The following RIT2 variants were observed in gnomAD, a reference collection of about 807,000 sequenced individuals.
RIT2 encodes the protein Ras like without CAAX 2, also known as GTP-binding protein Rit2.
RIT2 carries 24 observed loss-of-function variants against 23.7 expected under a neutral mutation model. The ratio of observed to expected loss-of-function variants is 1.01; its 90% CI spans 0.73 to 1.43. RIT2 has a LOEUF of 1.43. RIT2 is among the 40% of genes most tolerant of loss of function. RIT2 has a pLI of 0.00. For missense variants in RIT2, 236 were observed against 266.9 expected, an observed-to-expected ratio of 0.88 and a Z score of 0.81; for synonymous variants, 107 against 91.1, an observed-to-expected ratio of 1.17 and a Z score of -0.99.
At chr18:43,026,558 A>G (rs2144273789) in intron 2 of RIT2, among the ~76,000 whole-genome samples, 1 of 148,992 alleles carries the variant, frequency 6.7e-6, no homozygotes, top group Non-Finnish European at 1.5e-5. Flanking sequence ...GTCAAAAAAA[A>G]AAGTAAGAAA....
intron 4 of RIT2, among the ~76,000 whole-genome samples, chr18:42,857,014 G>C (rs1041834524): frequency 1.3e-5 from 2 of 151,996 alleles, no homozygotes; most frequent in South Asian, 4.2e-4. Context: ...ATTTTTAGTA[G>C]AGACGGGGTT....
intron 4 of RIT2, among the ~76,000 whole-genome samples, chr18:42,833,950 G>A (rs2156549): frequency 0.55 from 84,257 of 152,042 alleles, 26,389 homozygotes; most frequent in African/African-American, 0.85. Context: ...TTATGTTGTT[G>A]TTATTGTTTG....
At chr18:43,026,572 A>G (rs866936333) in intron 2 of RIT2, among the ~76,000 whole-genome samples, 18 of 105,106 alleles carry the variant, frequency 1.7e-4, no homozygotes, top group Non-Finnish European at 3.2e-4. Context: ...TAAGAAATAA[A>G]TAAGAAAGAA....
At chr18:43,089,539 A>T (rs1417791762) in intron 1 of RIT2, among the ~76,000 whole-genome samples, 1 of 151,448 alleles carries the variant, frequency 6.6e-6, no homozygotes, top group East Asian at 2.0e-4. Context: ...TAAAATTTAC[A>T]TGGAACCAAT....
intron 3 of RIT2, among the ~76,000 whole-genome samples, chr18:42,967,877 T>A (rs1438108995): frequency 6.6e-6 from 1 of 152,000 alleles, no homozygotes; most frequent in Non-Finnish European, 1.5e-5. Context: ...TTATCTTACA[T>A]TTTAAAATAA....
At chr18:42,809,889 TTATA>T (rs553537562) in intron 4 of RIT2, among the ~76,000 whole-genome samples, 13 of 143,286 alleles carry the variant, frequency 9.1e-5, no homozygotes, top group Non-Finnish European at 1.7e-4. Flanking sequence ...TGTATATATG[TTATA>T]TATATTATAT....
chr18:42,752,751 CA>C (rs1237096004), intron 4 of RIT2, among the ~76,000 whole-genome samples: 2 of 150,944 alleles, frequency 1.3e-5, no homozygotes, highest in Admixed American at 1.3e-4. Flanking sequence ...AGAAACACAC[CA>C]GGGGTGGGGG....
intron 4 of RIT2, among the ~76,000 whole-genome samples, chr18:42,849,992 C>A (rs944712051): frequency 1.3e-5 from 2 of 152,046 alleles, no homozygotes; most frequent in African/African-American, 4.8e-5. Flanking sequence ...GTTAAGTATT[C>A]TGACACTAAG....
At chr18:42,932,698 G>A (rs191064190) in intron 3 of RIT2, among the ~76,000 whole-genome samples, 19 of 152,126 alleles carry the variant, frequency 1.2e-4, no homozygotes, top group African/African-American at 4.6e-4. Flanking sequence ...AGCCCAGAAA[G>A]GTAGTGATGA....
rs1180162224 is a variant in RIT2, at chr18:43,006,214, CT to C, written c.160+27596del. On this transcript the variant is annotated intron_variant, in intron 2 of 4. Coordinates refer to ENST00000326695, the MANE Select transcript of RIT2 (RefSeq NM_002930.4). ...TAAGAAACTATCTTAAATGGTGCCT[CT>C]GTCTAAAATATCAGGAAAATAAATT... Among the ~76,000 whole-genome samples, 3 of 151,454 alleles carry C rather than the reference CT, an allele frequency of 2.0e-5. 1 individual carries two copies. Among genetic ancestry groups the C allele is most frequent in the South Asian group, 2.1e-4 (1 of 4,828 alleles).
intron 4 of RIT2, among the ~76,000 whole-genome samples, chr18:42,844,446 G>A (rs886397817): frequency 2.6e-5 from 4 of 152,154 alleles, no homozygotes; most frequent in African/African-American, 9.7e-5. Context: ...TTTATTAAGT[G>A]ATGGAAGTGG....
chr18:42,999,587 A>C (rs1369940031), intron 2 of RIT2, among the ~76,000 whole-genome samples: 1 of 152,090 alleles, frequency 6.6e-6, no homozygotes, highest in Non-Finnish European at 1.5e-5. Flanking sequence ...AAATTAACTG[A>C]GAGTTCCAAA....
intron 4 of RIT2, among the ~76,000 whole-genome samples, chr18:42,917,795 C>T (rs141435882): frequency 1.3e-5 from 2 of 152,234 alleles, no homozygotes; most frequent in African/African-American, 2.4e-5. Context: ...TTTGCAAGTG[C>T]TATTTGTTCT....
At chr18:43,034,785 A>G (rs1911937806) in intron 1 of RIT2, among the ~76,000 whole-genome samples, 1 of 152,114 alleles carries the variant, frequency 6.6e-6, no homozygotes, top group African/African-American at 2.4e-5. Context: ...TCCTCCCCTG[A>G]TATCTGATCC....
intron 2 of RIT2, among the ~76,000 whole-genome samples, chr18:42,985,754 G>A (rs1910694090): frequency 6.6e-6 from 1 of 151,960 alleles, no homozygotes; most frequent in African/African-American, 2.4e-5. Context: ...ATTTTAATTA[G>A]ATTGTAAATA....
intron 4 of RIT2, among the ~76,000 whole-genome samples, chr18:42,797,755 G>C (rs1905410552): frequency 1.3e-5 from 2 of 152,172 alleles, no homozygotes; most frequent in African/African-American, 4.8e-5. Context: ...TACATGGATA[G>C]AAAGCATGGA....
intron 2 of RIT2, among the ~76,000 whole-genome samples, chr18:42,981,597 C>G (rs1405211348): frequency 2.6e-5 from 4 of 151,676 alleles, no homozygotes; most frequent in African/African-American, 9.7e-5. Context: ...AAGACACAAT[C>G]CAAAATGCCA....
chr18:42,792,230 T>C lies in RIT2; in HGVS notation c.427-48510A>G, dbSNP rs551837459. Among the ~76,000 whole-genome samples the C allele has an allele frequency of 9.2e-5, 14 of 152,342 alleles. No homozygotes were observed. In the South Asian group the frequency reaches 2.9e-3, roughly 32 times the overall value. ...ATTTATCTCCCCCACTTTTTTCCTCTCCTTAATTCAACTTTATTTGGGTGC... is the reference window on the plus strand; with the variant it reads ...ATTTATCTCCCCCACTTTTTTCCTCCCCTTAATTCAACTTTATTTGGGTGC... On this transcript the variant is annotated intron_variant, in intron 4 of 4. Coordinates refer to ENST00000326695, the MANE Select transcript of RIT2 (RefSeq NM_002930.4).
At chr18:42,752,859 C>T (rs538483687) in intron 4 of RIT2, among the ~76,000 whole-genome samples, 14 of 152,068 alleles carry the variant, frequency 9.2e-5, no homozygotes, top group African/African-American at 2.4e-4. Flanking sequence ...AAAGAAGGAA[C>T]GTTTTTGATT....
Sources: gnomAD v4.1 joint callset for allele counts (sites outside exome capture counted in the v4.1 genomes callset) on GRCh38, gnomAD v4.1.1 for gene constraint, MANE v1.5 for transcripts, NCBI Gene and HGNC (gene_info 2026-07-23, HGNC 2026-07-21) for gene names.